The following SPOCK1 variants were observed in gnomAD, a reference collection of about 807,000 sequenced individuals.
The protein encoded by SPOCK1 is SPARC (osteonectin), cwcv and kazal like domains proteoglycan 1.
SPOCK1 carries 23 observed loss-of-function variants against 55.3 expected under a neutral mutation model. The ratio of observed to expected loss-of-function variants is 0.42; its 90% CI spans 0.30 to 0.59. The LOEUF (loss-of-function observed/expected upper bound fraction) is 0.59. SPOCK1 is among the 20% of genes least tolerant of loss of function. SPOCK1 has a pLI of 0.22. For missense variants in SPOCK1, 499 were observed against 552.5 expected (o/e 0.90, Z 0.97); for synonymous variants, 226 against 221.0 (o/e 1.02, Z -0.20).
At chr5:137,349,083 G>A (rs1049095450) in intron 2 of SPOCK1, among the ~76,000 whole-genome samples, 3 of 152,160 alleles carry the variant, frequency 2.0e-5, no homozygotes, top group Non-Finnish European at 2.9e-5. Context: ...ACTCAAGATC[G>A]ATAGTTCTCT....
chr5:137,227,537 T>A (rs1324047773), intron 3 of SPOCK1, among the ~76,000 whole-genome samples: 1 of 152,214 alleles, frequency 6.6e-6, no homozygotes, highest in Non-Finnish European at 1.5e-5. Context: ...GCATTTGGCA[T>A]CTCTTGCCCA....
At chr5:137,379,440 T>C (rs938880656) in intron 2 of SPOCK1, among the ~76,000 whole-genome samples, 4 of 152,154 alleles carry the variant, frequency 2.6e-5, no homozygotes, top group Non-Finnish European at 5.9e-5. Context: ...TGCGAATGCA[T>C]TTCTGAGACA....
At chr5:137,125,322 C>A (rs1753766409) in intron 4 of SPOCK1, among the ~76,000 whole-genome samples, 3 of 152,192 alleles carry the variant, frequency 2.0e-5, no homozygotes, top group Non-Finnish European at 2.9e-5. Context: ...CTGGGCATTG[C>A]AAGTGAGTGG....
At chr5:137,373,054 C>T (rs777983320) in intron 2 of SPOCK1, among the ~76,000 whole-genome samples, 2 of 152,188 alleles carry the variant, frequency 1.3e-5, no homozygotes, top group Non-Finnish European at 2.9e-5. Flanking sequence ...GCCCTTCCAC[C>T]TTCCACCATG....
chr5:137,410,282 C>T (rs573058120), intron 2 of SPOCK1, among the ~76,000 whole-genome samples: 1 of 152,178 alleles, frequency 6.6e-6, no homozygotes, highest in Non-Finnish European at 1.5e-5. Context: ...TCCACCACTG[C>T]CTGTTAGTGT....
chr5:137,434,462 T>C (rs986345545), intron 2 of SPOCK1, among the ~76,000 whole-genome samples: 6 of 148,144 alleles, frequency 4.1e-5, no homozygotes, highest in Admixed American at 1.4e-4. Flanking sequence ...AGATTTCCCT[T>C]CTCCATTTCT....
intron 2 of SPOCK1, among the ~76,000 whole-genome samples, chr5:137,438,522 A>G (rs1752913412): frequency 6.6e-6 from 1 of 152,212 alleles, no homozygotes. Flanking sequence ...CTGGAAGGGA[A>G]TATCTACAGC....
At chr5:137,025,082 G>A (rs534017591) in intron 6 of SPOCK1, among the ~76,000 whole-genome samples, 2 of 152,260 alleles carry the variant, frequency 1.3e-5, no homozygotes, top group Non-Finnish European at 2.9e-5. Flanking sequence ...ATCAAAGAGT[G>A]GAACAGCAGT....
chr5:137,385,802 T>A (rs1435195852), intron 2 of SPOCK1, among the ~76,000 whole-genome samples: 1 of 152,246 alleles, frequency 6.6e-6, no homozygotes, highest in Non-Finnish European at 1.5e-5. Context: ...GTTCCTACCA[T>A]CTGCTAAATG....
rs1196995567 is a variant in SPOCK1, at chr5:137,286,456, G to A, written c.187-19401C>T. Among the ~76,000 whole-genome samples, 7 of 152,164 alleles carry A rather than the reference G, an allele frequency of 4.6e-5. No individual in the cohort carries two copies. In the East Asian group the frequency reaches 1.3e-3, roughly 29 times the overall value. ...ATGCCAGGTCAGGAAACTAACGCAG[G>A]CTGAAATCCCATCTGCACTGCACAC... On this transcript the variant is annotated intron_variant, in intron 2 of 10. Coordinates refer to ENST00000394945, the MANE Select transcript of SPOCK1 (RefSeq NM_004598.4).
At chr5:137,468,673 A>T (rs923432209) in intron 2 of SPOCK1, among the ~76,000 whole-genome samples, 2 of 152,242 alleles carry the variant, frequency 1.3e-5, no homozygotes, top group African/African-American at 2.4e-5. Context: ...GGGGGCCGGT[A>T]ACACGTTTTT....
chr5:137,392,785 T>A (rs1446823250), intron 2 of SPOCK1, among the ~76,000 whole-genome samples: 2 of 152,226 alleles, frequency 1.3e-5, no homozygotes, highest in East Asian at 3.9e-4. Context: ...TTCCATTTCC[T>A]TCTACCCCAG....
chr5:137,239,270 G>A (rs1756239263), intron 3 of SPOCK1, among the ~76,000 whole-genome samples: 1 of 152,190 alleles, frequency 6.6e-6, no homozygotes. Context: ...ATGCTAGGAA[G>A]GTGATGCACC....
intron 6 of SPOCK1, among the ~76,000 whole-genome samples, chr5:137,028,922 A>T (rs1443190572): frequency 1.3e-5 from 2 of 152,196 alleles, no homozygotes; most frequent in Non-Finnish European, 2.9e-5. Context: ...AGGGGCTGGG[A>T]CCTCAGTCCA....
At chr5:137,190,551 G>A (rs1379857159) in intron 3 of SPOCK1, among the ~76,000 whole-genome samples, 1 of 152,112 alleles carries the variant, frequency 6.6e-6, no homozygotes, top group Admixed American at 6.5e-5. Flanking sequence ...TATGCACTGG[G>A]AAGTAAAAAA....
intron 2 of SPOCK1, among the ~76,000 whole-genome samples, chr5:137,351,037 C>T (rs1750668279): frequency 6.6e-6 from 1 of 152,170 alleles, no homozygotes; most frequent in Admixed American, 6.5e-5. Flanking sequence ...GGCTCAGTGG[C>T]AGGTTCGGCA....
chr5:137,457,632 G>A (rs1389039384), intron 2 of SPOCK1, among the ~76,000 whole-genome samples: 2 of 152,160 alleles, frequency 1.3e-5, no homozygotes, highest in Non-Finnish European at 2.9e-5. Flanking sequence ...ATGTGTTGGG[G>A]TTTTAAATCA....
Position 137,112,575 on chromosome 5 carries a change from A to G in SPOCK1, c.348-14T>C, listed in dbSNP as rs1403086012. The G allele has an allele frequency of 6.2e-7, 1 of 1,610,698 alleles. No homozygotes were observed. Among genetic ancestry groups the G allele is most frequent in the South Asian group, 1.1e-5 (1 of 90,444 alleles). On this transcript the variant is annotated splice_polypyrimidine_tract_variant and intron_variant, in intron 4 of 10. Transcript: ENST00000394945. ...CCCTTCTTTTGCCTAAAGATGAGAA[A>G]AAAGGGGATAAATTAGTTGAAGCTC... is the stretch of plus-strand genomic sequence containing the variant.
At chr5:137,239,365 C>A (rs1429000802) in intron 3 of SPOCK1, among the ~76,000 whole-genome samples, 1 of 152,188 alleles carries the variant, frequency 6.6e-6, no homozygotes, top group East Asian at 1.9e-4. Context: ...TCATTTATAT[C>A]ATTTATAACA....
Sources: gnomAD v4.1 joint callset for allele counts (sites outside exome capture counted in the v4.1 genomes callset) on GRCh38, gnomAD v4.1.1 for gene constraint, MANE v1.5 for transcripts, NCBI Gene and HGNC (gene_info 2026-07-23, HGNC 2026-07-21) for gene names.